The following PPP2R5A variants were observed in gnomAD, a reference collection of about 807,000 sequenced individuals.
The protein encoded by PPP2R5A is protein phosphatase 2 regulatory subunit B'alpha.
In PPP2R5A, 25 loss-of-function variants were observed where a neutral mutation model predicts 64.2. That is an observed-to-expected ratio of 0.39 (90% CI 0.28 to 0.54). The LOEUF (loss-of-function observed/expected upper bound fraction) is 0.54, where lower values mean the gene tolerates loss of function less well. Ranked by LOEUF, PPP2R5A falls within the 20% of genes least tolerant of loss-of-function variation. PPP2R5A has a pLI of 0.67. For missense variants in PPP2R5A, 425 were observed against 576.3 expected, an observed-to-expected ratio of 0.74 and a Z score of 2.69; for synonymous variants, 198 against 201.2, an observed-to-expected ratio of 0.98 and a Z score of 0.13.
rs752472217 is a variant in PPP2R5A, at chr1:212,333,615, C to T, written c.480+17C>T. 105 of 1,377,378 alleles carry T rather than the reference C, an allele frequency of 7.6e-5. No individual in the cohort carries two copies. The East Asian group carries it at 2.2e-3, about 28-fold the overall frequency. The allele number at this position is 1,377,378 out of a possible 1,614,324, so 85.3% of individuals were successfully genotyped here. A position where few individuals can be genotyped will look rare whatever the true frequency, so the allele number is the denominator to read the frequency against. ...CACATACAGGTATGGAACATAATTA[C>T]GTATTGGCAGTTTTTATATTTATGC... On this transcript the variant is annotated intron_variant, in intron 3 of 12. Coordinates refer to ENST00000261461, the MANE Select transcript of PPP2R5A (RefSeq NM_006243.4).
At chr1:212,339,840 G>C (rs1659657007) in intron 3 of PPP2R5A, among the ~76,000 whole-genome samples, 2 of 151,932 alleles carry the variant, frequency 1.3e-5, no homozygotes, top group African/African-American at 4.8e-5. Flanking sequence ...AGAGTAAATA[G>C]GCTAATGCAT....
chr1:212,336,155 C>T (rs1273247448), intron 3 of PPP2R5A, among the ~76,000 whole-genome samples: 2 of 152,030 alleles, frequency 1.3e-5, no homozygotes, highest in African/African-American at 4.8e-5. Context: ...CACTCTGTTG[C>T]CCAGGTTGGA....
chr1:212,287,845 A>G (rs1658532379), intron 1 of PPP2R5A, among the ~76,000 whole-genome samples: 3 of 151,988 alleles, frequency 2.0e-5, no homozygotes, highest in African/African-American at 7.2e-5. Context: ...GTCAAACTGT[A>G]GTTTGAAGGT....
At chr1:212,329,404 G>A (rs1659462300) in intron 2 of PPP2R5A, 73 bp downstream of exon 2, 1 of 1,235,438 alleles carries the variant, frequency 8.1e-7, no homozygotes. Flanking sequence ...AATTGAGACT[G>A]ATTTTAAATA....
intron 1 of PPP2R5A, among the ~76,000 whole-genome samples, chr1:212,304,562 A>G (rs1658860744): frequency 6.6e-6 from 1 of 151,728 alleles, no homozygotes; most frequent in Non-Finnish European, 1.5e-5. Context: ...AAACAAACAA[A>G]AAAAGAGATG....
chr1:212,301,103 C>G (rs1462729246), intron 1 of PPP2R5A, among the ~76,000 whole-genome samples: 2 of 152,162 alleles, frequency 1.3e-5, no homozygotes, highest in Non-Finnish European at 2.9e-5. Context: ...CTTCTGCCTC[C>G]TGGTTCAAGC....
intron 1 of PPP2R5A, among the ~76,000 whole-genome samples, chr1:212,319,124 CT>C (rs1250036782): frequency 6.6e-6 from 1 of 152,090 alleles, no homozygotes; most frequent in Non-Finnish European, 1.5e-5. Flanking sequence ...TCAAGAAAAC[CT>C]GGTTAAAATT....
At chr1:212,314,888 G>T (rs535798292) in intron 1 of PPP2R5A, among the ~76,000 whole-genome samples, 1 of 151,634 alleles carries the variant, frequency 6.6e-6, no homozygotes, top group African/African-American at 2.4e-5. Context: ...TAAATTTTTC[G>T]TAGAGACAAG....
intron 1 of PPP2R5A, among the ~76,000 whole-genome samples, chr1:212,324,813 G>A (rs573828223): frequency 6.6e-6 from 1 of 152,180 alleles, no homozygotes; most frequent in South Asian, 2.1e-4. Flanking sequence ...CACCATGTTA[G>A]CTAGGATGGT....
chr1:212,287,425 A>T (rs1336626850), intron 1 of PPP2R5A, among the ~76,000 whole-genome samples: 1 of 152,166 alleles, frequency 6.6e-6, no homozygotes, highest in Non-Finnish European at 1.5e-5. Flanking sequence ...GGGCCTGTGA[A>T]TCCAGCCTTA....
intron 8 of PPP2R5A, among the ~76,000 whole-genome samples, chr1:212,354,940 T>C (rs764088796): frequency 5.9e-5 from 9 of 152,202 alleles, no homozygotes; most frequent in Non-Finnish European, 1.2e-4. Context: ...AGCCTAGGTG[T>C]GTAGTAGGCC....
intron 1 of PPP2R5A, among the ~76,000 whole-genome samples, chr1:212,311,017 T>C (rs1271780399): frequency 6.6e-6 from 1 of 152,224 alleles, no homozygotes; most frequent in Non-Finnish European, 1.5e-5. Flanking sequence ...AACGATGTTT[T>C]GGTCCATGAC....
At chr1:212,325,671 TATAAA>T (rs1659396840) in intron 1 of PPP2R5A, among the ~76,000 whole-genome samples, 1 of 151,914 alleles carries the variant, frequency 6.6e-6, no homozygotes, top group African/African-American at 2.4e-5. Context: ...AGATATATAT[TATAAA>T]ATAAAGCCAT....
chr1:212,334,166 C>T (rs1659553235), intron 3 of PPP2R5A: 1 of 152,244 alleles, frequency 6.6e-6, no homozygotes, highest in Non-Finnish European at 1.5e-5. Context: ...TGTTTATCCA[C>T]TTACCAGTTG....
intron 1 of PPP2R5A, among the ~76,000 whole-genome samples, chr1:212,288,016 T>C (rs1658534798): frequency 2.0e-5 from 3 of 152,140 alleles, no homozygotes; most frequent in Admixed American, 2.0e-4. Flanking sequence ...TAGGTTTTGC[T>C]TTTATTTTAT....
rs1213717489 is a variant in PPP2R5A, at chr1:212,357,012, A to T, written c.1041A>T (p.Lys347Asn). Residue 347 changes from lysine (K) to asparagine (N), a missense_variant, in exon 10 of 13, where the codon AAA (lysine) becomes AAT (asparagine). Physicochemically the swap from Lys to Asn is moderately conservative, Grantham distance 94. Coordinates refer to ENST00000261461, the MANE Select transcript of PPP2R5A (RefSeq NM_006243.4). ...TCATTGAACCAACACAGTTCAAAAA[A>T]ATTGAAGAGCCACTTTTCAAGCAGA... is the stretch of plus-strand genomic sequence containing the variant. ...LDVIEPTQFK[K>N]IEEPLFKQIS... is the part of the protein sequence containing the mutation. 2 of 1,611,690 alleles carry T rather than the reference A, an allele frequency of 1.2e-6. No homozygotes were observed. The highest frequency in any genetic ancestry group is 1.7e-6 in the Non-Finnish European group (2 of 1,178,944).
At chr1:212,301,916 TTA>T in intron 1 of PPP2R5A, 1 of 1,322,102 alleles carries the variant, frequency 7.6e-7, no homozygotes, top group Non-Finnish European at 9.8e-7. Flanking sequence ...CTAAGGAAAA[TTA>T]TAGTTATAAA....
At chr1:212,308,702 C>T (rs1169961202) in intron 1 of PPP2R5A, among the ~76,000 whole-genome samples, 1 of 152,166 alleles carries the variant, frequency 6.6e-6, no homozygotes, top group Non-Finnish European at 1.5e-5. Flanking sequence ...AGCCACCGCA[C>T]CTGGCTGTGT....
chr1:212,345,997 CTTTTAT>C (rs1356546834), intron 5 of PPP2R5A, 64 bp downstream of exon 5: 2 of 1,467,164 alleles, frequency 1.4e-6, no homozygotes, highest in Non-Finnish European at 1.8e-6. Flanking sequence ...TATTCAAGTT[CTTTTAT>C]TTTTATTTGT....
Sources: gnomAD v4.1 joint callset for allele counts (sites outside exome capture counted in the v4.1 genomes callset) on GRCh38, gnomAD v4.1.1 for gene constraint, MANE v1.5 for transcripts, NCBI Gene and HGNC (gene_info 2026-07-23, HGNC 2026-07-21) for gene names.